The following BBOF1 variants were observed in gnomAD, a reference collection of about 807,000 sequenced individuals.
The protein encoded by BBOF1 is basal body orientation factor 1.
BBOF1 carries 62 observed loss-of-function variants against 68.0 expected under a neutral mutation model. The ratio of observed to expected loss-of-function variants is 0.91; its 90% CI spans 0.74 to 1.13. BBOF1 has a LOEUF of 1.13. Ranked by LOEUF, BBOF1 falls within the 50% of genes most tolerant of loss-of-function variation. The pLI, the probability that BBOF1 is intolerant of heterozygous loss-of-function variation, is 0.00. For missense variants in BBOF1, 534 were observed against 600.1 expected (o/e 0.89, Z 1.15); for synonymous variants, 208 against 198.8 (o/e 1.05, Z -0.39).
intron 1 of BBOF1, among the ~76,000 whole-genome samples, chr14:74,022,346 A>G (rs1300586007): frequency 6.6e-6 from 1 of 152,176 alleles, no homozygotes; most frequent in African/African-American, 2.4e-5. Context: ...CCAGGAGTTC[A>G]AGACCAGCCT....
chr14:74,078,289 C>T (rs2139811983), exon 10 of BBOF1: 4 of 455,602 alleles, frequency 8.8e-6, no homozygotes, highest in East Asian at 6.9e-5. Context: ...AGCCAGCAAG[C>T]TCCATGCAGG....
chr14:74,051,499 A>C (rs1409030703), intron 8 of BBOF1, among the ~76,000 whole-genome samples: 1 of 151,816 alleles, frequency 6.6e-6, no homozygotes, highest in East Asian at 1.9e-4. Context: ...GAGGACAATC[A>C]GTAGTGCCCC....
chr14:74,060,135 C>T (rs1158891617), intron 11 of BBOF1: 1 of 158,406 alleles, frequency 6.3e-6, no homozygotes, highest in Non-Finnish European at 1.4e-5. Flanking sequence ...ATTGGAACAT[C>T]TTCTTTAAAA....
chr14:74,066,874 C>G, downstream of BBOF1: 1 of 1,613,356 alleles, frequency 6.2e-7, no homozygotes, highest in South Asian at 1.1e-5. Flanking sequence ...AAGATCAGCT[C>G]CAGGCTGATC....
chr14:74,021,785 T>C (rs2140936365), intron 1 of BBOF1, among the ~76,000 whole-genome samples: 1 of 152,136 alleles, frequency 6.6e-6, no homozygotes, highest in South Asian at 2.1e-4. Context: ...CGGGCTCCTG[T>C]AGTCCCAGCT....
At chr14:74,035,738 G>T (rs942581024) in intron 4 of BBOF1, among the ~76,000 whole-genome samples, 2 of 151,368 alleles carry the variant, frequency 1.3e-5, no homozygotes, top group Middle Eastern at 3.2e-3. Flanking sequence ...CAGCCCATAT[G>T]GGCCCTTTTA....
intron 3 of BBOF1, among the ~76,000 whole-genome samples, chr14:74,030,931 T>TAGAGAGAG (rs201898207): frequency 7.0e-6 from 1 of 143,262 alleles, no homozygotes; most frequent in Non-Finnish European, 1.5e-5. Context: ...CATATATATA[T>TAGAGAGAG]ATATATATAG....
At chr14:74,071,851 TC>T (rs2060553866) in intron 9 of BBOF1, 5 of 1,595,248 alleles carry the variant, frequency 3.1e-6, no homozygotes, top group Non-Finnish European at 4.3e-6. Flanking sequence ...CCTCCCATCT[TC>T]CTTTGGTCCT....
At chr14:74,081,320 C>CAAATGA (rs1041664284) in intron 12 of BBOF1, 1 of 152,188 alleles carries the variant, frequency 6.6e-6, no homozygotes, top group Admixed American at 6.5e-5. Flanking sequence ...AGAATGAGTA[C>CAAATGA]TCGCCAAGCA....
intron 9 of BBOF1, chr14:74,072,035 G>A: frequency 6.3e-7 from 1 of 1,586,914 alleles, no homozygotes; most frequent in Middle Eastern, 1.7e-4. Flanking sequence ...AAATTCTGAG[G>A]TAGCAAAGGA....
downstream of BBOF1, chr14:74,070,853 G>C (rs759881896): frequency 1.3e-5 from 4 of 300,492 alleles, no homozygotes; most frequent in Admixed American, 4.8e-5. Context: ...TGAATTAGAA[G>C]GCCTTCAGTA....
downstream of BBOF1, chr14:74,069,101 C>CTTTTTTTTTTTTTTT (rs900873855): frequency 7.8e-6 from 3 of 383,112 alleles, no homozygotes; most frequent in African/African-American, 6.4e-5. Flanking sequence ...TTTACTTTTT[C>CTTTTTTTTTTTTTTT]TTTTTTTTTT....
rs988048857 is a variant in BBOF1, at chr14:74,057,081, T to C, written c.1464-63T>C. The stretch of plus-strand genomic sequence containing the variant: ...TGAAAGTAATATGACAAGTCTGTTA[T>C]TCTAAACCAGGTTTCATGTGTGTAG... On this transcript the variant is annotated intron_variant, in intron 10 of 11. Transcript: ENST00000394009. The C allele has an allele frequency of 4.8e-5, 76 of 1,597,390 alleles. No homozygotes were observed. The Admixed American group carries it at 4.8e-4, about 10-fold the overall frequency.
intron 11 of BBOF1, chr14:74,060,678 G>A: frequency 6.2e-7 from 1 of 1,613,828 alleles, no homozygotes; most frequent in Non-Finnish European, 8.5e-7. Flanking sequence ...CAGCAGGTGA[G>A]GAAAGAGTAG....
At chr14:74,032,489 CT>C (rs201835078) in intron 3 of BBOF1, among the ~76,000 whole-genome samples, 1,665 of 133,196 alleles carry the variant, frequency 0.013, 26 homozygotes, top group African/African-American at 0.016. Context: ...ACGTTTCTCT[CT>C]TTTTTTTTTT....
downstream of BBOF1, chr14:74,067,511 T>C (rs1384875423): frequency 1.2e-6 from 2 of 1,614,032 alleles, no homozygotes; most frequent in African/African-American, 1.3e-5. Context: ...CCCAACCAGC[T>C]GGTTCAGGGT....
intron 11 of BBOF1, chr14:74,059,313 T>C (rs1215194997): frequency 2.2e-6 from 1 of 452,632 alleles, no homozygotes; most frequent in Non-Finnish European, 4.4e-6. Flanking sequence ...TTAGATTTGC[T>C]TAAGGCAGGT....
At chr14:74,036,183 G>C (rs2059694717) in intron 4 of BBOF1, among the ~76,000 whole-genome samples, 1 of 152,050 alleles carries the variant, frequency 6.6e-6, no homozygotes, top group East Asian at 1.9e-4. Flanking sequence ...AGCCTCCCAA[G>C]TAGCAGGGAC....
At position 74,019,387 on chromosome 14, in the gene BBOF1, C is replaced by G; in HGVS notation, c.-92C>G. On this transcript the variant is annotated 5_prime_UTR_variant, in exon 1 of 12. Transcript: ENST00000394009. ...CGTCAGCGGCGCGGGTGGGGCATTGCCAGCTCGGCGTCCCGGTTCCCTTGG... is the reference window on the plus strand; with the variant it reads ...CGTCAGCGGCGCGGGTGGGGCATTGGCAGCTCGGCGTCCCGGTTCCCTTGG... 6.7e-7 allele frequency: 1 copy of G among 1,484,852 alleles called. No individual in the cohort carries two copies. Among genetic ancestry groups the G allele is most frequent in the Non-Finnish European group, 9.0e-7 (1 of 1,111,778 alleles). The allele number at this position is 1,484,852 out of a possible 1,614,324, so 92.0% of individuals were successfully genotyped here.
Sources: allele counts gnomAD v4.1 joint callset (sites outside exome capture counted in the v4.1 genomes callset), GRCh38; gene constraint gnomAD v4.1.1; transcripts MANE v1.5; gene names NCBI Gene and HGNC (gene_info 2026-07-23, HGNC 2026-07-21).